Variants in LRP1B observed in about 807,000 individuals in gnomAD.
The protein encoded by LRP1B is low-density lipoprotein receptor-related protein 1B.
Under a neutral mutation model 556.6 loss-of-function variants are expected in LRP1B, and 217 were observed. That is an observed-to-expected ratio of 0.39 (90% CI 0.35 to 0.44). LRP1B has a LOEUF of 0.44. LRP1B is among the 20% of genes least tolerant of loss of function. The pLI is 1.00. For missense variants in LRP1B, 5,053 were observed against 5,620.8 expected, an observed-to-expected ratio of 0.90 and a Z score of 3.23; for synonymous variants, 2,047 against 1,865.8, an observed-to-expected ratio of 1.10 and a Z score of -2.50.
intron 7 of LRP1B, among the ~76,000 whole-genome samples, chr2:141,097,467 C>T (rs7567054): frequency 0.02 from 2,974 of 151,810 alleles, 106 homozygotes; most frequent in East Asian, 0.14. Flanking sequence ...ACAGGAAAAA[C>T]GGGAAGACAA....
chr2:140,316,742 A>AT (rs1684535756), intron 82 of LRP1B, among the ~76,000 whole-genome samples: 4 of 152,260 alleles, frequency 2.6e-5, no homozygotes, highest in African/African-American at 7.2e-5. Flanking sequence ...TGGGAAAAAA[A>AT]ATATAAAATA....
At chr2:141,112,074 TA>T (rs775620927) in intron 7 of LRP1B, among the ~76,000 whole-genome samples, 26 of 133,128 alleles carry the variant, frequency 2.0e-4, no homozygotes, top group South Asian at 6.9e-4. Context: ...AAATAAATAA[TA>T]AATAAATAAA....
chr2:141,066,453 A>G (rs896575866), intron 7 of LRP1B, among the ~76,000 whole-genome samples: 4 of 152,034 alleles, frequency 2.6e-5, no homozygotes, highest in African/African-American at 7.2e-5. Context: ...GTGCTTACAG[A>G]GTTATGGCAC....
At chr2:141,102,081 T>C (rs1700475575) in intron 7 of LRP1B, among the ~76,000 whole-genome samples, 1 of 152,110 alleles carries the variant, frequency 6.6e-6, no homozygotes, top group Non-Finnish European at 1.5e-5. Flanking sequence ...CAAAGCTACA[T>C]TTTAACGGTA....
At chr2:141,332,819 A>T (rs1441782979) in intron 3 of LRP1B, among the ~76,000 whole-genome samples, 1 of 151,098 alleles carries the variant, frequency 6.6e-6, no homozygotes, top group African/African-American at 2.4e-5. Flanking sequence ...AAATGCAAAA[A>T]AAAAAAGATT....
chr2:140,589,356 G>A (rs1265488860), intron 43 of LRP1B, among the ~76,000 whole-genome samples: 1 of 151,976 alleles, frequency 6.6e-6, no homozygotes, highest in Non-Finnish European at 1.5e-5. Context: ...AATGTAAAAT[G>A]GTACAGTCAT....
At chr2:141,110,530 G>A (rs1405411004) in intron 7 of LRP1B, among the ~76,000 whole-genome samples, 1 of 152,098 alleles carries the variant, frequency 6.6e-6, no homozygotes, top group South Asian at 2.1e-4. Flanking sequence ...TAATTTAATA[G>A]GGAAAAGCGA....
chr2:141,174,172 G>A (rs1038579728), intron 7 of LRP1B, among the ~76,000 whole-genome samples: 2 of 152,178 alleles, frequency 1.3e-5, no homozygotes, highest in Non-Finnish European at 1.5e-5. Context: ...TGAGGTGGTA[G>A]TAAGATCTTA....
At chr2:141,027,582 G>A (rs1035858208) in intron 11 of LRP1B, among the ~76,000 whole-genome samples, 4 of 151,996 alleles carry the variant, frequency 2.6e-5, no homozygotes, top group African/African-American at 4.8e-5. Context: ...ATGAAAAAAC[G>A]GCTGATATTT....
At chr2:141,612,315 G>A (rs982657575) in intron 2 of LRP1B, among the ~76,000 whole-genome samples, 1 of 152,154 alleles carries the variant, frequency 6.6e-6, no homozygotes, top group Non-Finnish European at 1.5e-5. Context: ...CATCAAGTGG[G>A]CTAAGCAGTG....
At chr2:141,823,081 G>A (rs1696807530) in intron 1 of LRP1B, among the ~76,000 whole-genome samples, 1 of 152,138 alleles carries the variant, frequency 6.6e-6, no homozygotes, top group Admixed American at 6.5e-5. Context: ...TATGGAAACA[G>A]GGAAGGCTGT....
chr2:140,498,793 C>T (rs1199995509), intron 55 of LRP1B, among the ~76,000 whole-genome samples: 1 of 151,758 alleles, frequency 6.6e-6, no homozygotes, highest in African/African-American at 2.4e-5. Flanking sequence ...ATAATATATA[C>T]ATGTGTATGT....
At chr2:142,112,100 A>G (rs1707009742) in intron 1 of LRP1B, among the ~76,000 whole-genome samples, 1 of 152,092 alleles carries the variant, frequency 6.6e-6, no homozygotes, top group Non-Finnish European at 1.5e-5. Context: ...TGTACCGATA[A>G]CTTACATCAC....
chr2:141,052,119 A>G (rs1574023901), intron 10 of LRP1B, among the ~76,000 whole-genome samples: 1 of 151,976 alleles, frequency 6.6e-6, no homozygotes, highest in East Asian at 1.9e-4. Context: ...TAATTTTTTC[A>G]ATTTAGCATT....
intron 13 of LRP1B, 116 bp from the exon 14 acceptor site, chr2:141,013,861 C>A: frequency 1.8e-6 from 1 of 555,814 alleles, no homozygotes; most frequent in Non-Finnish European, 2.9e-6. Context: ...TATCTTAACT[C>A]ATTTTCTCTG....
At chr2:140,795,517 A>G (rs1690272988) in intron 32 of LRP1B, among the ~76,000 whole-genome samples, 1 of 152,170 alleles carries the variant, frequency 6.6e-6, no homozygotes. Context: ...ACAGATGTCT[A>G]TTTCAAAGTT....
intron 84 of LRP1B, among the ~76,000 whole-genome samples, chr2:140,284,550 C>T (rs1683048359): frequency 1.3e-5 from 2 of 151,620 alleles, no homozygotes; most frequent in South Asian, 4.2e-4. Context: ...TTATACACAC[C>T]CATACAGTTC....
chr2:140,442,450 C>A (rs188379513), intron 66 of LRP1B, 54 bp downstream of exon 66: 1 of 1,568,078 alleles, frequency 6.4e-7, no homozygotes. Context: ...CTGTGGTTGT[C>A]GCAGATGATG....
At chr2:140,521,421 C>T (rs530838650) in intron 49 of LRP1B, among the ~76,000 whole-genome samples, 86 of 151,880 alleles carry the variant, frequency 5.7e-4, no homozygotes, top group Admixed American at 1.1e-3. Flanking sequence ...AAAATAAATG[C>T]CAGTTAAGAA....
Sources: allele counts gnomAD v4.1 joint callset (sites outside exome capture counted in the v4.1 genomes callset), GRCh38; gene constraint gnomAD v4.1.1; transcripts MANE v1.5; gene names NCBI Gene and HGNC (gene_info 2026-07-23, HGNC 2026-07-21).